Variants in GOLGA4 observed in about 807,000 individuals in gnomAD.
The protein encoded by GOLGA4 is golgin subfamily A member 4.
GOLGA4 carries 169 observed loss-of-function variants against 265.9 expected under a neutral mutation model. That is an observed-to-expected ratio of 0.64 (90% CI 0.56 to 0.72). GOLGA4 has a LOEUF of 0.72. Ranked by LOEUF, GOLGA4 falls within the 30% of genes least tolerant of loss-of-function variation. The pLI is 0.00. For missense variants in GOLGA4, 2,482 were observed against 2,483.4 expected (o/e 1.00, Z 0.01); for synonymous variants, 923 against 855.8 (o/e 1.08, Z -1.37).
Position 37,319,180 on chromosome 3 carries a change from A to G in GOLGA4, c.1531A>G (p.Met511Val). Residue 511 changes from methionine (M) to valine (V), a missense_variant, in exon 12 of 24, where the codon ATG becomes GTG. By Grantham distance (21) the Met-to-Val change is conservative (BLOSUM62 1). This residue lies in a region of GOLGA4 where 1,536 missense variants were observed against 1,483.7 expected (regional missense o/e 1.04). Coordinates refer to ENST00000361924, the MANE Select transcript of GOLGA4 (RefSeq NM_002078.5). ...CCGAGAAAGGGAATTTCAGGAACAA[A>G]TGAAAGTAGCTCTTGTAAGTGACTA... ...QTREREFQEQMKVALEKSQSE... is the reference protein window; with the variant it reads ...QTREREFQEQVKVALEKSQSE... 6.2e-7 allele frequency: 1 copy of G among 1,609,046 alleles called. No individual in the cohort carries two copies.
chr3:37,292,756 T>C (rs544398600), intron 5 of GOLGA4, among the ~76,000 whole-genome samples: 12 of 152,302 alleles, frequency 7.9e-5, no homozygotes, highest in African/African-American at 2.4e-4. Flanking sequence ...CAGCTACTTA[T>C]ATGAAAGGAA....
At chr3:37,253,829 C>G (rs2096740584) in intron 2 of GOLGA4, among the ~76,000 whole-genome samples, 1 of 151,932 alleles carries the variant, frequency 6.6e-6, no homozygotes, top group Non-Finnish European at 1.5e-5. Context: ...TCGAGACCAG[C>G]CTGATCAATA....
At chr3:37,267,808 A>G (rs2096787636) in intron 2 of GOLGA4, among the ~76,000 whole-genome samples, 1 of 152,240 alleles carries the variant, frequency 6.6e-6, no homozygotes, top group African/African-American at 2.4e-5. Context: ...GTAGCTGGTG[A>G]TGGAAGTAGA....
At chr3:37,276,646 G>T in intron 2 of GOLGA4, 1 of 1,495,604 alleles carries the variant, frequency 6.7e-7, no homozygotes, top group Non-Finnish European at 9.2e-7. Flanking sequence ...AACGGATTTT[G>T]TAACTAGCTT....
intron 10 of GOLGA4, among the ~76,000 whole-genome samples, chr3:37,303,355 G>C (rs556254582): frequency 6.6e-6 from 1 of 152,184 alleles, no homozygotes; most frequent in Non-Finnish European, 1.5e-5. Flanking sequence ...TTGCTAGGAT[G>C]GTGGTTCTGG....
chr3:37,273,143 A>G (rs1309042275), intron 2 of GOLGA4, among the ~76,000 whole-genome samples: 1 of 152,226 alleles, frequency 6.6e-6, no homozygotes, highest in Non-Finnish European at 1.5e-5. Context: ...GTATTATTTT[A>G]TTGTAGGAAA....
chr3:37,299,295 A>C lies in GOLGA4; in HGVS notation c.1010A>C (p.His337Pro), dbSNP rs538850316. The change falls in exon 9 of 24, where the codon CAT (histidine) becomes CCT (proline). Residue 337 changes from histidine to proline, a missense_variant. Coordinates refer to ENST00000361924, the MANE Select transcript of GOLGA4 (RefSeq NM_002078.5). ...LQELEKIKDL[H>P]MAEKTKLITQ... is the part of the protein sequence containing the mutation. ...TTTAAAAATTTTTTTTAGGACCTTC[A>C]TATGGCCGAGAAGACTAAACTTATC... 1.2e-6 allele frequency: 2 copies of C among 1,609,404 alleles called. No individual in the cohort carries two copies. The highest frequency in any genetic ancestry group is 2.2e-5 in the South Asian group (2 of 90,826).
At chr3:37,266,624 T>C (rs1365995790) in intron 2 of GOLGA4, among the ~76,000 whole-genome samples, 1 of 152,178 alleles carries the variant, frequency 6.6e-6, no homozygotes, top group Non-Finnish European at 1.5e-5. Flanking sequence ...GATTTTGAGA[T>C]CCTAAACTGA....
rs2096976700 is a variant in GOLGA4 at position 37,327,787 on chromosome 3, A to G, written c.5901A>G (p.Leu1967=). 1 of 1,611,292 alleles carries G rather than the reference A, an allele frequency of 6.2e-7. No individual in the cohort carries two copies. Among genetic ancestry groups the G allele is most frequent in the Non-Finnish European group, 8.5e-7 (1 of 1,177,972 alleles). Residue 1967 remains leucine, a synonymous_variant, in exon 14 of 24, where the codon CTA becomes CTG. Transcript: ENST00000361924. ...RKEHQQELEI[L]KKEYDQEREE... ...AGCATCAGCAAGAATTGGAAATACT[A>G]AAGAAAGAATATGATCAAGAAAGGG...
intron 22 of GOLGA4, among the ~76,000 whole-genome samples, chr3:37,358,873 G>GAT (rs1460397785): frequency 1.3e-5 from 2 of 152,102 alleles, no homozygotes; most frequent in African/African-American, 4.8e-5. Context: ...TGAGAGCCTA[G>GAT]ATCTCAATGG....
At chr3:37,248,071 CATT>C (rs1320473215) in intron 1 of GOLGA4, among the ~76,000 whole-genome samples, 1 of 152,092 alleles carries the variant, frequency 6.6e-6, no homozygotes, top group Non-Finnish European at 1.5e-5. Flanking sequence ...AGTGATAGCT[CATT>C]ATATTCACAG....
At chr3:37,259,645 A>ATG in intron 2 of GOLGA4, among the ~76,000 whole-genome samples, 1 of 152,296 alleles carries the variant, frequency 6.6e-6, no homozygotes, top group South Asian at 2.1e-4. Context: ...CTTGTTGCAT[A>ATG]TGCTGAGTAT....
chr3:37,275,235 AAAAAAAG>A (rs2096812469), intron 2 of GOLGA4, among the ~76,000 whole-genome samples: 1 of 149,996 alleles, frequency 6.7e-6, no homozygotes, highest in Admixed American at 6.6e-5. Context: ...AAAAAAAAAA[AAAAAAAG>A]AAAAAAAAAA....
chr3:37,314,734 T>A (rs922314702), intron 10 of GOLGA4, among the ~76,000 whole-genome samples: 2 of 151,838 alleles, frequency 1.3e-5, no homozygotes, highest in African/African-American at 4.8e-5. Context: ...AGAGCCTGAA[T>A]TCTTCCTTAT....
intron 5 of GOLGA4, 45 bp downstream of exon 5, chr3:37,289,336 A>C: frequency 4.4e-5 from 52 of 1,171,676 alleles, no homozygotes; most frequent in Non-Finnish European, 5.7e-5. Flanking sequence ...ATTAAATCTC[A>C]TATTTATCAG....
chr3:37,315,531 A>G lies in GOLGA4; in HGVS notation c.1346A>G (p.Glu449Gly). The G allele has an allele frequency of 6.2e-7, 1 of 1,614,032 alleles. No individual in the cohort carries two copies. Among genetic ancestry groups the G allele is most frequent in the Non-Finnish European group, 8.5e-7 (1 of 1,179,888 alleles). Residue 449 changes from glutamate to glycine, a missense_variant, in exon 11 of 24, where the codon GAG becomes GGG. Transcript: ENST00000361924. Reference sequence around the variant, plus strand: ...ATAAAAACTATCGAAAAAACAAGTGAGGAGGAACGCATCAGTCTTCAACAG... The same window carrying G: ...ATAAAAACTATCGAAAAAACAAGTGGGGAGGAACGCATCAGTCTTCAACAG... ...EQIKTIEKTS[E>G]EERISLQQEL...
In GOLGA4 at chr3:37,298,809, C is replaced by T. The variant is rs116761201; in HGVS notation, c.815-24C>T. On this transcript the variant is annotated intron_variant, in intron 7 of 23. Transcript: ENST00000361924. The stretch of plus-strand genomic sequence containing the variant: ...GTTTCATATTCCTTACTGATGGGCC[C>T]TTCTTATGTTGCTTTATTGTTAGTG... The T allele has an allele frequency of 6.0e-4, 934 of 1,555,248 alleles. 4 individuals are homozygous for T. The African/African-American group carries it at 0.012, about 20-fold the overall frequency.
At chr3:37,328,908 A>C in intron 15 of GOLGA4, 55 bp from the exon 16 acceptor site, 6 of 1,386,024 alleles carry the variant, frequency 4.3e-6, no homozygotes, top group Non-Finnish European at 5.8e-6. Flanking sequence ...TTGAGATACA[A>C]ATATTAACTC....
intron 13 of GOLGA4, among the ~76,000 whole-genome samples, chr3:37,323,176 G>T (rs1192513920): frequency 6.9e-6 from 1 of 144,340 alleles, no homozygotes; most frequent in East Asian, 2.0e-4. Flanking sequence ...GCCCAGGCTG[G>T]AGTGTAGTGG....
Sources: gnomAD v4.1 joint callset for allele counts (sites outside exome capture counted in the v4.1 genomes callset) on GRCh38, gnomAD v4.1.1 for gene constraint, gnomAD v4.1.1 regional missense constraint, MANE v1.5 for transcripts, NCBI Gene and HGNC (gene_info 2026-07-23, HGNC 2026-07-21) for gene names.